Variants in SMG1 observed in about 807,000 individuals in gnomAD.
The protein encoded by SMG1 is serine/threonine-protein kinase SMG1.
In SMG1, 22 loss-of-function variants were observed where a neutral mutation model predicts 419.9. The observed-to-expected ratio is 0.05, with a 90% CI of 0.04 to 0.07. The LOEUF (loss-of-function observed/expected upper bound fraction) is 0.07. SMG1 is among the 10% of genes least tolerant of loss of function. The pLI is 1.00. For missense variants in SMG1, 3,185 were observed against 4,342.0 expected (o/e 0.73, Z 7.49); for synonymous variants, 1,538 against 1,553.5 (o/e 0.99, Z 0.23).
At chr16:18,872,765 G>C in intron 13 of SMG1, 141 bp from the exon 14 acceptor site, 2 of 724,754 alleles carry the variant, frequency 2.8e-6, no homozygotes, top group Non-Finnish European at 4.4e-6. Context: ...CACTAAACCT[G>C]GGACAAACAC....
intron 25 of SMG1, chr16:18,861,292 A>G (rs2035205768): frequency 6.6e-6 from 1 of 152,410 alleles, no homozygotes; most frequent in Non-Finnish European, 1.5e-5. Flanking sequence ...TTTTTCAAAG[A>G]CTTCTTCTCT....
chr16:18,870,153 CT>C (rs1319193369), intron 18 of SMG1, among the ~76,000 whole-genome samples, 159 bp from the exon 19 acceptor site: 6 of 152,032 alleles, frequency 3.9e-5, no homozygotes, highest in Non-Finnish European at 2.9e-5. Flanking sequence ...ACTTTAGATC[CT>C]TTTTTTATTC....
At chr16:18,917,930 T>C in intron 1 of SMG1, among the ~76,000 whole-genome samples, 1 of 151,566 alleles carries the variant, frequency 6.6e-6, no homozygotes, top group Non-Finnish European at 1.5e-5. Flanking sequence ...TGTGCCACTC[T>C]CCCGCAGCTA....
chr16:18,921,205 T>C (rs1382036079), intron 1 of SMG1, among the ~76,000 whole-genome samples: 1 of 149,728 alleles, frequency 6.7e-6, no homozygotes, highest in Non-Finnish European at 1.5e-5. Flanking sequence ...ACTAATTTAT[T>C]AGTGGTGTGG....
At chr16:18,879,428 T>C in intron 11 of SMG1, 67 bp downstream of exon 11, 6 of 1,262,534 alleles carry the variant, frequency 4.8e-6, no homozygotes, top group Non-Finnish European at 6.7e-6. Flanking sequence ...GCCCTTAATT[T>C]CTTACATATC....
chr16:18,844,011 A>G lies in SMG1; in HGVS notation c.6219+1418T>C, dbSNP rs960811005. On this transcript the variant is annotated intron_variant, in intron 39 of 62. Coordinates refer to ENST00000446231, the MANE Select transcript of SMG1 (RefSeq NM_015092.5). Reference sequence around the variant, plus strand: ...TTTTAAAAATTTTCTATGATTATACACACACACACACACACGTGCGCACAC... The same window carrying G: ...TTTTAAAAATTTTCTATGATTATACGCACACACACACACACGTGCGCACAC... 2.0e-4 allele frequency among the ~76,000 whole-genome samples: 25 copies of G among 124,072 alleles called. No individual in the cohort carries two copies. The East Asian group carries it at 5.8e-3, about 29-fold the overall frequency. 81.4% of individuals were successfully genotyped at this position (124,072 alleles called of 152,430 possible).
At chr16:18,891,388 T>C (rs1257357778) in intron 4 of SMG1, among the ~76,000 whole-genome samples, 1 of 152,154 alleles carries the variant, frequency 6.6e-6, no homozygotes, top group Admixed American at 6.5e-5. Context: ...AAGTGTCATC[T>C]GCCTCACTAG....
intron 25 of SMG1, among the ~76,000 whole-genome samples, chr16:18,862,205 G>A (rs1432501038): frequency 6.6e-6 from 1 of 152,060 alleles, no homozygotes; most frequent in Non-Finnish European, 1.5e-5. Context: ...ATCTGACAAG[G>A]CTGACTACTC....
intron 39 of SMG1, 140 bp downstream of exon 39, chr16:18,845,289 T>G: frequency 1.5e-6 from 1 of 667,132 alleles, no homozygotes; most frequent in Non-Finnish European, 2.4e-6. Context: ...ATGTTCCTTA[T>G]AAGCAACTGG....
chr16:18,837,130 C>T (rs1043621089), intron 46 of SMG1, 123 bp downstream of exon 46: 13 of 938,160 alleles, frequency 1.4e-5, no homozygotes, highest in Non-Finnish European at 2.0e-5. Context: ...GTTGCAGTCA[C>T]TGAGACAGCT....
chr16:18,850,578 A>T, intron 33 of SMG1, 111 bp from the exon 34 acceptor site: 1 of 694,592 alleles, frequency 1.4e-6, no homozygotes, highest in Non-Finnish European at 2.4e-6. Flanking sequence ...AGATAAAATT[A>T]TCCCACATTT....
chr16:18,923,306 C>T (rs1425460826), intron 1 of SMG1, among the ~76,000 whole-genome samples: 13 of 152,150 alleles, frequency 8.5e-5, no homozygotes, highest in Non-Finnish European at 1.5e-4. Flanking sequence ...TCCACACCAA[C>T]TGGCAAACTA....
chr16:18,924,463 AAAT>A (rs926776272), intron 1 of SMG1, among the ~76,000 whole-genome samples: 2 of 152,232 alleles, frequency 1.3e-5, no homozygotes, highest in African/African-American at 4.8e-5. Flanking sequence ...CAATACTGAA[AAAT>A]AATAGAAAAT....
chr16:18,895,416 T>C (rs1038387131), intron 3 of SMG1, among the ~76,000 whole-genome samples: 9 of 151,492 alleles, frequency 5.9e-5, no homozygotes, highest in African/African-American at 1.7e-4. Flanking sequence ...GAGGCGGAGG[T>C]TGCAGTGAGC....
intron 56 of SMG1, among the ~76,000 whole-genome samples, chr16:18,819,223 A>G (rs1344769747): frequency 6.6e-6 from 1 of 152,278 alleles, no homozygotes; most frequent in Non-Finnish European, 1.5e-5. Context: ...AGAGACCCAG[A>G]GAACCTTAAA....
At chr16:18,837,079 GCAGA>G (rs2033624375) in intron 46 of SMG1, among the ~76,000 whole-genome samples, 170 bp downstream of exon 46, 1 of 152,116 alleles carries the variant, frequency 6.6e-6, no homozygotes, top group African/African-American at 2.4e-5. Context: ...TATAATAAAA[GCAGA>G]CAATTTCAGT....
intron 1 of SMG1, chr16:18,899,976 A>G: frequency 1.3e-6 from 2 of 1,501,118 alleles, no homozygotes; most frequent in Non-Finnish European, 1.8e-6. Context: ...GTAAGTTTCT[A>G]AAGCTCATAC....
In SMG1 at chr16:18,812,207, T is replaced by A. The variant is rs568175987; in HGVS notation, c.10622-80A>T. On this transcript the variant is annotated intron_variant, in intron 60 of 62. Transcript: ENST00000446231. ...CAGAGTGGAGCAAGCACGGGATAGG[T>A]GGTAGTGGTTGATACCCCAATTAAA... 20 of 1,337,876 alleles carry A rather than the reference T, an allele frequency of 1.5e-5. No individual in the cohort carries two copies. In the East Asian group the frequency reaches 4.2e-4, roughly 28 times the overall value. The allele number at this position is 1,337,876 out of a possible 1,614,324, so 82.9% of individuals were successfully genotyped here. A position where few individuals can be genotyped will look rare whatever the true frequency, so the allele number is the denominator to read the frequency against.
At chr16:18,876,701 A>G (rs1348712821) in intron 12 of SMG1, among the ~76,000 whole-genome samples, 1 of 151,100 alleles carries the variant, frequency 6.6e-6, no homozygotes, top group African/African-American at 2.4e-5. Flanking sequence ...ATCAGAAGAC[A>G]TATGCAAACA....
Sources: gnomAD v4.1 joint callset for allele counts (sites outside exome capture counted in the v4.1 genomes callset) on GRCh38, gnomAD v4.1.1 for gene constraint, MANE v1.5 for transcripts, NCBI Gene and HGNC (gene_info 2026-07-23, HGNC 2026-07-21) for gene names.